Variants in EPB41L2 observed in about 807,000 individuals in gnomAD.
EPB41L2 encodes erythrocyte membrane protein band 4.1 like 2.
Under a neutral mutation model 113.0 loss-of-function variants are expected in EPB41L2, and 43 were observed. That is an observed-to-expected ratio of 0.38 (90% confidence interval 0.30 to 0.49). The LOEUF (loss-of-function observed/expected upper bound fraction) is 0.49. Among genes scored for constraint, EPB41L2 ranks in the 20% least tolerant of loss-of-function variants. The probability of loss-of-function intolerance (pLI) is 0.95; values close to 1 mark genes in which losing one functional copy is unlikely to be tolerated. For missense variants in EPB41L2, 1,147 were observed against 1,223.4 expected, an observed-to-expected ratio of 0.94 and a Z score of 0.93; for synonymous variants, 442 against 436.7, an observed-to-expected ratio of 1.01 and a Z score of -0.15.
intron 19 of EPB41L2, among the ~76,000 whole-genome samples, chr6:130,843,327 T>C (rs1776083679): frequency 6.6e-6 from 1 of 152,214 alleles, no homozygotes; most frequent in African/African-American, 2.4e-5. Flanking sequence ...TTTTACAGGC[T>C]AGAATTTGGG....
intron 5 of EPB41L2, among the ~76,000 whole-genome samples, chr6:130,904,906 A>T (rs1797272349): frequency 7.5e-6 from 1 of 132,560 alleles, no homozygotes; most frequent in South Asian, 2.7e-4. Flanking sequence ...GTTGCCAAAT[A>T]TTCTCCACCC....
At chr6:130,983,076 T>C (rs1178237224) in intron 1 of EPB41L2, among the ~76,000 whole-genome samples, 1 of 152,202 alleles carries the variant, frequency 6.6e-6, no homozygotes, top group African/African-American at 2.4e-5. Flanking sequence ...CACATTCCGG[T>C]GTCTCACATT....
intron 19 of EPB41L2, among the ~76,000 whole-genome samples, chr6:130,855,625 CATTT>C (rs1489605849): frequency 6.6e-6 from 1 of 152,028 alleles, no homozygotes; most frequent in Non-Finnish European, 1.5e-5. Flanking sequence ...TGTAAGACCT[CATTT>C]GATTAAAAAA....
intron 1 of EPB41L2, among the ~76,000 whole-genome samples, chr6:130,975,007 G>A (rs1276302303): frequency 6.6e-6 from 1 of 151,956 alleles, no homozygotes; most frequent in East Asian, 1.9e-4. Flanking sequence ...TTGTTTTCCA[G>A]ATAAGTCAAG....
At chr6:130,926,861 T>C in intron 3 of EPB41L2, 152 bp from the exon 4 acceptor site, 1 of 570,568 alleles carries the variant, frequency 1.8e-6, no homozygotes, top group Non-Finnish European at 2.9e-6. Flanking sequence ...GATTAATTTT[T>C]TAACTTTAGC....
Position 131,062,061 on chromosome 6 carries a change from G to A in EPB41L2, c.-15+1094C>T, listed in dbSNP as rs568062293. ...CCACCCAGGGATCTTAAAATTAAGG[G>A]CAGCTGTGGTGTTGATGGGGCAATT... On this transcript the variant is annotated intron_variant, in intron 1 of 19. Coordinates refer to ENST00000337057, the MANE Select transcript of EPB41L2 (RefSeq NM_001431.4). Among the ~76,000 whole-genome samples, 29 of 152,130 alleles carry A rather than the reference G, an allele frequency of 1.9e-4. 1 individual carries two copies. The highest frequency in any genetic ancestry group is 7.0e-4 in the African/African-American group (29 of 41,504).
intron 3 of EPB41L2, among the ~76,000 whole-genome samples, chr6:130,935,892 C>T (rs1170140496): frequency 6.6e-6 from 1 of 152,126 alleles, no homozygotes; most frequent in Non-Finnish European, 1.5e-5. Context: ...TACATTCTAG[C>T]TCCACAACAA....
At chr6:130,881,100 A>G (rs1190537855) in intron 12 of EPB41L2, 1 of 152,210 alleles carries the variant, frequency 6.6e-6, no homozygotes, top group Admixed American at 6.5e-5. Context: ...GATGATTCAA[A>G]AGAATGAATG....
chr6:130,893,176 G>T (rs1793526241), intron 10 of EPB41L2, among the ~76,000 whole-genome samples: 1 of 152,148 alleles, frequency 6.6e-6, no homozygotes, highest in Non-Finnish European at 1.5e-5. Context: ...ATTTGTTGTT[G>T]TTTTTTAAAG....
At chr6:130,904,862 T>G (rs1271303473) in intron 5 of EPB41L2, among the ~76,000 whole-genome samples, 1 of 151,934 alleles carries the variant, frequency 6.6e-6, no homozygotes, top group Non-Finnish European at 1.5e-5. Context: ...GTAATAGTTC[T>G]GAGATAAGAT....
chr6:130,928,990 A>G (rs1381136097), intron 3 of EPB41L2, among the ~76,000 whole-genome samples: 1 of 152,226 alleles, frequency 6.6e-6, no homozygotes, highest in Non-Finnish European at 1.5e-5. Flanking sequence ...AAATGTTTCT[A>G]GATGCTAAAG....
rs117888168 is a variant in EPB41L2 at position 130,966,398 on chromosome 6, A to G, written c.-14-9899T>C. Among the ~76,000 whole-genome samples, 249 of 152,370 alleles carry G rather than the reference A, an allele frequency of 1.6e-3. 5 individuals are homozygous for G. In the East Asian group the frequency reaches 0.043, roughly 26 times the overall value. The stretch of plus-strand genomic sequence containing the variant: ...ACAAACAGCAAGATTCAGACGGTAT[A>G]AGTGATAGGTCACTTTATATGGATA... On this transcript the variant is annotated intron_variant, in intron 1 of 19. Coordinates refer to ENST00000337057, the MANE Select transcript of EPB41L2 (RefSeq NM_001431.4).
At chr6:130,936,114 T>C (rs1336293856) in intron 3 of EPB41L2, among the ~76,000 whole-genome samples, 2 of 152,226 alleles carry the variant, frequency 1.3e-5, no homozygotes, top group Non-Finnish European at 2.9e-5. Context: ...AATACAGCCC[T>C]GCAGGCATTC....
intron 1 of EPB41L2, among the ~76,000 whole-genome samples, chr6:131,030,998 G>A (rs918477697): frequency 6.6e-6 from 1 of 152,034 alleles, no homozygotes; most frequent in East Asian, 1.9e-4. Context: ...AGGCTAAGGT[G>A]GGGGGATCGC....
chr6:131,055,470 C>A (rs925540095), intron 1 of EPB41L2, among the ~76,000 whole-genome samples: 1 of 152,186 alleles, frequency 6.6e-6, no homozygotes, highest in African/African-American at 2.4e-5. Flanking sequence ...AAGTAGTACT[C>A]AGGTCTGCTT....
chr6:131,055,695 T>G (rs1465249952), intron 1 of EPB41L2, among the ~76,000 whole-genome samples: 1 of 152,090 alleles, frequency 6.6e-6, no homozygotes, highest in East Asian at 1.9e-4. Context: ...CTTGAGCCAT[T>G]TATTCAATTT....
chr6:130,845,419 C>T (rs1776738478), intron 19 of EPB41L2, among the ~76,000 whole-genome samples: 1 of 152,048 alleles, frequency 6.6e-6, no homozygotes, highest in African/African-American at 2.4e-5. Context: ...GCTCTGTCAC[C>T]CAGGCTGGGG....
intron 3 of EPB41L2, among the ~76,000 whole-genome samples, chr6:130,932,320 T>A (rs201801650): frequency 1.1e-4 from 17 of 148,448 alleles, no homozygotes; most frequent in East Asian, 3.9e-4. Context: ...ACATTGCTTT[T>A]AAAAAAAAAA....
At chr6:130,844,934 T>C (rs2128397924) in intron 19 of EPB41L2, among the ~76,000 whole-genome samples, 1 of 152,136 alleles carries the variant, frequency 6.6e-6, no homozygotes, top group Non-Finnish European at 1.5e-5. Context: ...TCCCAGCTAC[T>C]GGGGGGCTGA....
Sources: gnomAD v4.1 joint callset for allele counts (sites outside exome capture counted in the v4.1 genomes callset) on GRCh38, gnomAD v4.1.1 for gene constraint, MANE v1.5 for transcripts, NCBI Gene and HGNC (gene_info 2026-07-23, HGNC 2026-07-21) for gene names.